Variants in RIMBP2 observed in about 807,000 individuals in gnomAD.
RIMBP2 encodes RIMS binding protein 2.
A neutral mutation model predicts 118.6 loss-of-function variants in RIMBP2; 48 were observed. The ratio of observed to expected loss-of-function variants is 0.40; its 90% CI spans 0.32 to 0.51. The LOEUF (loss-of-function observed/expected upper bound fraction) is 0.51. Among genes scored for constraint, RIMBP2 ranks in the 20% least tolerant of loss-of-function variants. The pLI is 0.41. For missense variants in RIMBP2, 1,551 were observed against 1,768.3 expected, an observed-to-expected ratio of 0.88 and a Z score of 2.20; for synonymous variants, 762 against 742.9, an observed-to-expected ratio of 1.03 and a Z score of -0.42.
At chr12:130,527,420 C>T (rs1043806600) in intron 2 of RIMBP2, among the ~76,000 whole-genome samples, 1 of 152,178 alleles carries the variant, frequency 6.6e-6, no homozygotes, top group Non-Finnish European at 1.5e-5. Context: ...ACATGCTATT[C>T]CTGATCTGTT....
At chr12:130,452,018 G>A (rs943419546) in intron 7 of RIMBP2, among the ~76,000 whole-genome samples, 1 of 152,206 alleles carries the variant, frequency 6.6e-6, no homozygotes, top group African/African-American at 2.4e-5. Context: ...GGGCTGCTGA[G>A]CCCTGTCCTG....
rs537599592 is a variant in RIMBP2, at chr12:130,662,954, T to TA, written c.-351-34499dup. 4.7e-4 allele frequency among the ~76,000 whole-genome samples: 71 copies of TA among 152,006 alleles called. 1 individual carries two copies. Among genetic ancestry groups the TA allele is most frequent in the East Asian group, 3.3e-3 (17 of 5,166 alleles). On this transcript the variant is annotated intron_variant, in intron 1 of 22. Coordinates refer to ENST00000690449, the MANE Select transcript of RIMBP2 (RefSeq NM_001393629.1). ...CTGGGTGACAGAGTAAGACCCTGTC[T>TA]AAAAAAAAGAATCTGGATGTCCCAG...
At chr12:130,597,791 G>A (rs2059642419) in intron 2 of RIMBP2, among the ~76,000 whole-genome samples, 1 of 152,138 alleles carries the variant, frequency 6.6e-6, no homozygotes, top group Admixed American at 6.5e-5. Context: ...CAACCTTAAG[G>A]TAAAAAATTG....
At chr12:130,531,737 G>A (rs1305221262) in intron 2 of RIMBP2, among the ~76,000 whole-genome samples, 1 of 152,216 alleles carries the variant, frequency 6.6e-6, no homozygotes, top group Non-Finnish European at 1.5e-5. Flanking sequence ...GTTCACCCAT[G>A]TCATAGATTT....
intron 1 of RIMBP2, among the ~76,000 whole-genome samples, chr12:130,654,047 C>T (rs2063333084): frequency 6.6e-6 from 1 of 152,186 alleles, no homozygotes. Flanking sequence ...TGGATATTAG[C>T]ACTTGGGTCC....
Position 130,396,360 on chromosome 12 carries a change from T to C in RIMBP2, c.*1001A>G, listed in dbSNP as rs1344841272. 1.3e-5 allele frequency: 2 copies of C among 152,648 alleles called. No homozygotes were observed. The highest frequency in any genetic ancestry group is 4.8e-5 in the African/African-American group (2 of 41,446). The allele number at this position is 152,648 out of a possible 1,614,324, so 9.5% of individuals were successfully genotyped here. A position where few individuals can be genotyped will look rare whatever the true frequency, so the allele number is the denominator to read the frequency against. Reference sequence around the variant, plus strand: ...CAAAAGAAAGGCAGTCTGAAAAGTATGTATAAAGAGTAAAAACAATTTACA... The same window carrying C: ...CAAAAGAAAGGCAGTCTGAAAAGTACGTATAAAGAGTAAAAACAATTTACA... On this transcript the variant is annotated 3_prime_UTR_variant, in exon 23 of 23. Coordinates refer to ENST00000690449, the MANE Select transcript of RIMBP2 (RefSeq NM_001393629.1).
At chr12:130,478,865 C>A in intron 5 of RIMBP2, 47 bp downstream of exon 5, 1 of 1,449,846 alleles carries the variant, frequency 6.9e-7, no homozygotes, top group South Asian at 1.2e-5. Context: ...CCGGCCCACC[C>A]GTGGACTCCC....
intron 1 of RIMBP2, among the ~76,000 whole-genome samples, chr12:130,631,679 G>GT (rs1264081003): frequency 4.7e-5 from 7 of 148,264 alleles, no homozygotes; most frequent in African/African-American, 1.5e-4. Context: ...AAACTGGTAA[G>GT]TCAAAAAAAA....
chr12:130,705,818 G>A (rs1401012577), intron 1 of RIMBP2, among the ~76,000 whole-genome samples: 1 of 152,218 alleles, frequency 6.6e-6, no homozygotes, highest in African/African-American at 2.4e-5. Flanking sequence ...TGGGACCAAC[G>A]GAGGCAGAAG....
At chr12:130,439,740 T>G (rs2077928257) in intron 11 of RIMBP2, among the ~76,000 whole-genome samples, 1 of 143,828 alleles carries the variant, frequency 7.0e-6, no homozygotes. Context: ...GGTGTGTGTA[T>G]GTGGGTCTGT....
chr12:130,695,795 G>A (rs538374169), intron 1 of RIMBP2, among the ~76,000 whole-genome samples: 75 of 152,100 alleles, frequency 4.9e-4, no homozygotes, highest in Non-Finnish European at 9.7e-4. Context: ...TAAGGAGCTA[G>A]CAGGGGAGGT....
In RIMBP2 at chr12:130,487,166, C is replaced by T. The variant is rs59550390; in HGVS notation, c.-3-8150G>A. Among the ~76,000 whole-genome samples, 1,036 of 152,342 alleles carry T rather than the reference C, an allele frequency of 6.8e-3. 14 individuals are homozygous for T. Among genetic ancestry groups the T allele is most frequent in the African/African-American group, 0.024 (984 of 41,592 alleles). ...GGTCATCCCCAACTCCAGGTCTTAG[C>T]GAGTGCCATTCCTGCTGTCCGACAT... On this transcript the variant is annotated intron_variant, in intron 4 of 22. Transcript: ENST00000690449.
Position 130,437,174 on chromosome 12 carries a change from C to T in RIMBP2, c.1774G>A (p.Asp592Asn). The T allele has an allele frequency of 6.3e-7, 1 of 1,588,384 alleles. No individual in the cohort carries two copies. Among genetic ancestry groups the T allele is most frequent in the Non-Finnish European group, 8.6e-7 (1 of 1,168,910 alleles). ...RTLSAQGESV[D>N]SAVAAVPPEL... ...GGGGGAACGGCAGCAACTGCAGAGT[C>T]CACGGACTCGCCCTGGGCGGAGAGG... Residue 592 changes from aspartate to asparagine, a missense_variant, in exon 13 of 23, where the codon GAC (aspartate) becomes AAC (asparagine). Physicochemically the swap from Asp to Asn is conservative, Grantham distance 23 (BLOSUM62 1). Coordinates refer to ENST00000690449, the MANE Select transcript of RIMBP2 (RefSeq NM_001393629.1).
rs146417648 is a variant in RIMBP2 at position 130,438,471 on chromosome 12, G to T, written c.1550C>A (p.Thr517Asn). Reference protein sequence around the residue: ...PQDVTVQAGVTPATIRVSWRP... With the variant: ...PQDVTVQAGVNPATIRVSWRP... ...CCAGGAGACCCGGATGGTGGCGGGG[G>T]TCACCCCAGCCTGGACGGTAACATC... is the stretch of plus-strand genomic sequence containing the variant. The change falls in exon 12 of 23, where the codon ACC becomes AAC. Residue 517 changes from threonine to asparagine, a missense_variant. Physicochemically the swap from Thr to Asn is moderately conservative, Grantham distance 65. Around this residue, in one of 5 missense-constraint regions of RIMBP2, gnomAD observed 1,038 missense variants for 1,125.1 expected, o/e 0.92. Coordinates refer to ENST00000690449, the MANE Select transcript of RIMBP2 (RefSeq NM_001393629.1). 1.5e-3 allele frequency: 2,468 copies of T among 1,612,948 alleles called. 36 individuals are homozygous for T. The African/African-American group carries it at 0.03, about 19-fold the overall frequency.
Position 130,431,226 on chromosome 12 carries a change from C to T in RIMBP2, c.2254-2889G>A, listed in dbSNP as rs917130213. ...ACTATGTGTGAAATGCTAGAGATAC[C>T]GTAGTCAACTAAAAGTGGAGGCTTC... is the stretch of plus-strand genomic sequence containing the variant. On this transcript the variant is annotated intron_variant, in intron 14 of 22. Coordinates refer to ENST00000690449, the MANE Select transcript of RIMBP2 (RefSeq NM_001393629.1). This position sits in a 1 kb window ranked among gnomAD's most constrained non-coding sequence, Gnocchi z 4.0. 1.5e-4 allele frequency among the ~76,000 whole-genome samples: 23 copies of T among 152,192 alleles called. No individual in the cohort carries two copies. Among genetic ancestry groups the T allele is most frequent in the African/African-American group, 3.6e-4 (15 of 41,524 alleles).
At chr12:130,715,275 G>A (rs939325325) in intron 1 of RIMBP2, among the ~76,000 whole-genome samples, 2 of 152,130 alleles carry the variant, frequency 1.3e-5, no homozygotes, top group African/African-American at 2.4e-5. Flanking sequence ...GGGACCCAGA[G>A]GCCACGCAGG....
chr12:130,594,471 G>A (rs775887618), intron 2 of RIMBP2, among the ~76,000 whole-genome samples: 4 of 152,172 alleles, frequency 2.6e-5, no homozygotes, highest in Non-Finnish European at 4.4e-5. Context: ...AGGCAGGGGT[G>A]TCCAACCTTC....
intron 5 of RIMBP2, among the ~76,000 whole-genome samples, chr12:130,472,858 A>C (rs1012676420): frequency 6.6e-6 from 1 of 152,208 alleles, no homozygotes; most frequent in Non-Finnish European, 1.5e-5. Context: ...TGACTGGAAC[A>C]CAGCATGTTA....
chr12:130,669,436 G>A (rs558990227), intron 1 of RIMBP2, among the ~76,000 whole-genome samples: 123 of 152,274 alleles, frequency 8.1e-4, no homozygotes, highest in Non-Finnish European at 1.3e-3. Context: ...GAGGGACCAG[G>A]TGGGAGGTGA....
Sources: gnomAD v4.1 joint callset for allele counts (sites outside exome capture counted in the v4.1 genomes callset) on GRCh38, gnomAD v4.1.1 for gene constraint, gnomAD v4.1.1 regional missense constraint, Gnocchi (gnomAD v3.1) non-coding constraint, MANE v1.5 for transcripts, NCBI Gene and HGNC (gene_info 2026-07-23, HGNC 2026-07-21) for gene names.